Variants in SLC24A2 observed in about 807,000 individuals in gnomAD.
The protein encoded by SLC24A2 is sodium/potassium/calcium exchanger 2.
Under a neutral mutation model 62.0 loss-of-function variants are expected in SLC24A2, and 36 were observed. The ratio of observed to expected loss-of-function variants is 0.58; its 90% CI spans 0.44 to 0.77. SLC24A2 has a LOEUF of 0.77. Ranked by LOEUF, SLC24A2 falls within the 30% of genes least tolerant of loss-of-function variation. The pLI is 0.00. For missense variants in SLC24A2, 846 were observed against 817.9 expected (o/e 1.03, Z -0.42); for synonymous variants, 358 against 294.0 (o/e 1.22, Z -2.23).
At chr9:20,168,916 G>C in the SLC24A2 span, among the ~76,000 whole-genome samples, 1 of 152,096 alleles carries the variant, frequency 6.6e-6, no homozygotes, top group Middle Eastern at 3.4e-3. Flanking sequence ...GTTCATACCA[G>C]TACTATTCAC....
chr9:19,569,023 G>C (rs191281071), intron 7 of SLC24A2, among the ~76,000 whole-genome samples: 1 of 152,120 alleles, frequency 6.6e-6, no homozygotes, highest in African/African-American at 2.4e-5. Flanking sequence ...ATGTATTGGA[G>C]GTCATTCCAT....
the SLC24A2 span, among the ~76,000 whole-genome samples, chr9:19,997,611 A>T: frequency 6.6e-6 from 1 of 152,146 alleles, no homozygotes; most frequent in Non-Finnish European, 1.5e-5. Context: ...ATAGAAGGGG[A>T]GAGGTAAACA....
At chr9:20,140,590 A>G in the SLC24A2 span, among the ~76,000 whole-genome samples, 1 of 152,182 alleles carries the variant, frequency 6.6e-6, no homozygotes, top group South Asian at 2.1e-4. Context: ...TCAGTTCATC[A>G]GCTATCTGAA....
chr9:19,603,627 C>T (rs967767182), intron 4 of SLC24A2, among the ~76,000 whole-genome samples: 1 of 152,162 alleles, frequency 6.6e-6, no homozygotes, highest in Admixed American at 6.6e-5. Flanking sequence ...TTTCCACTGC[C>T]CTGGCCTTAT....
At chr9:19,959,689 C>T in the SLC24A2 span, among the ~76,000 whole-genome samples, 2 of 152,186 alleles carry the variant, frequency 1.3e-5, no homozygotes, top group Non-Finnish European at 2.9e-5. Flanking sequence ...CTCCCCCTTT[C>T]ACCCTCTTAT....
intron 4 of SLC24A2, among the ~76,000 whole-genome samples, chr9:19,619,083 C>T (rs895604671): frequency 1.3e-5 from 2 of 152,088 alleles, no homozygotes; most frequent in Non-Finnish European, 2.9e-5. Context: ...TGCATAGATG[C>T]TCACCTCCCA....
the SLC24A2 span, among the ~76,000 whole-genome samples, chr9:19,805,029 A>G: frequency 6.6e-6 from 1 of 152,156 alleles, no homozygotes; most frequent in Non-Finnish European, 1.5e-5. Context: ...GAAATGTTTT[A>G]ATTATTAAAG....
the SLC24A2 span, among the ~76,000 whole-genome samples, chr9:20,055,271 A>AATAGGTAATTCACAAAATTAAAAT: frequency 6.6e-6 from 1 of 152,208 alleles, no homozygotes; most frequent in Admixed American, 6.5e-5. Context: ...AAAATTTTTC[A>AATAGGTAATTCACAAAATTAAAAT]TTAGGTAATT....
At chr9:19,761,265 C>T (rs1016294489) in intron 2 of SLC24A2, among the ~76,000 whole-genome samples, 8 of 151,932 alleles carry the variant, frequency 5.3e-5, no homozygotes, top group African/African-American at 1.9e-4. Context: ...AACTAATTTA[C>T]ACTCCCACCA....
intron 1 of SLC24A2, chr9:19,788,633 TC>T: frequency 2.0e-6 from 2 of 985,278 alleles, no homozygotes; most frequent in Non-Finnish European, 2.4e-6. Flanking sequence ...TCTGCGCGTC[TC>T]CCCCGACGGC....
At chr9:20,284,143 A>G in the SLC24A2 span, among the ~76,000 whole-genome samples, 1 of 152,170 alleles carries the variant, frequency 6.6e-6, no homozygotes, top group Non-Finnish European at 1.5e-5. Context: ...GGTGGGGGAG[A>G]GCCCCCTCCT....
At chr9:19,737,414 G>C (rs1032226497) in intron 2 of SLC24A2, among the ~76,000 whole-genome samples, 2 of 152,216 alleles carry the variant, frequency 1.3e-5, no homozygotes, top group East Asian at 3.9e-4. Context: ...ATGGCCATGT[G>C]TGAATGATGG....
At chr9:19,952,428 G>C in the SLC24A2 span, among the ~76,000 whole-genome samples, 1 of 151,972 alleles carries the variant, frequency 6.6e-6, no homozygotes, top group Admixed American at 6.6e-5. Context: ...TATCTTAGCT[G>C]TAGTTTTTTG....
chr9:20,093,224 G>A, the SLC24A2 span, among the ~76,000 whole-genome samples: 8 of 151,524 alleles, frequency 5.3e-5, no homozygotes, highest in African/African-American at 1.9e-4. Flanking sequence ...AGGCATGCAC[G>A]ACCACACCTG....
intron 2 of SLC24A2, among the ~76,000 whole-genome samples, chr9:19,661,203 T>A (rs2118240078): frequency 6.6e-6 from 1 of 152,218 alleles, no homozygotes; most frequent in Admixed American, 6.5e-5. Flanking sequence ...TGACCTTTTT[T>A]TTTTTTGTGA....
At position 19,515,442 on chromosome 9, in the gene SLC24A2, C is replaced by T. The variant is rs1248720885; in HGVS notation, c.*711G>A. 6.6e-6 allele frequency: 1 copy of T among 152,216 alleles called. No individual in the cohort carries two copies. The highest frequency in any genetic ancestry group is 1.5e-5 in the Non-Finnish European group (1 of 68,124). 9.4% of individuals were successfully genotyped at this position (152,216 alleles called of 1,614,324 possible). A position where few individuals can be genotyped will look rare whatever the true frequency, so the allele number is the denominator to read the frequency against. On this transcript the variant is annotated 3_prime_UTR_variant, in exon 11 of 11. Coordinates refer to ENST00000341998, the MANE Select transcript of SLC24A2 (RefSeq NM_020344.4). ...TCAACTCAGGGCCCCTACAGACCTT[C>T]TCCACTAAGCCCTCCTCCCTGCAAG...
chr9:19,619,913 T>C (rs1482562465), intron 3 of SLC24A2, among the ~76,000 whole-genome samples: 2 of 152,232 alleles, frequency 1.3e-5, no homozygotes, highest in Non-Finnish European at 2.9e-5. Context: ...AAAAAGAGCT[T>C]TGTAAATGCC....
At chr9:19,652,366 AG>A (rs757353626) in intron 2 of SLC24A2, among the ~76,000 whole-genome samples, 1 of 152,162 alleles carries the variant, frequency 6.6e-6, no homozygotes, top group Non-Finnish European at 1.5e-5. Flanking sequence ...GATGTGATTA[AG>A]TTAAGGATCT....
chr9:19,890,656 T>C, the SLC24A2 span, among the ~76,000 whole-genome samples: 1 of 152,132 alleles, frequency 6.6e-6, no homozygotes, highest in Non-Finnish European at 1.5e-5. Context: ...GTGATCTCAT[T>C]CCATCACATA....
Sources: gnomAD v4.1 joint callset for allele counts (sites outside exome capture counted in the v4.1 genomes callset) on GRCh38, gnomAD v4.1.1 for gene constraint, MANE v1.5 for transcripts, NCBI Gene and HGNC (gene_info 2026-07-23, HGNC 2026-07-21) for gene names.